The following VEGFA variants were observed in gnomAD, a reference collection of about 807,000 sequenced individuals.
The protein encoded by VEGFA is vascular endothelial growth factor A.
Under a neutral mutation model 49.7 loss-of-function variants are expected in VEGFA, and 20 were observed. That is an observed-to-expected ratio of 0.40 (90% CI 0.28 to 0.58). VEGFA has a LOEUF of 0.58. Ranked by LOEUF, VEGFA falls within the 20% of genes least tolerant of loss-of-function variation. VEGFA has a pLI of 0.40. For missense variants in VEGFA, 505 were observed against 553.5 expected, an observed-to-expected ratio of 0.91 and a Z score of 0.88; for synonymous variants, 219 against 223.4, an observed-to-expected ratio of 0.98 and a Z score of 0.18.
chr6:43,780,973 C>T lies in VEGFA; in HGVS notation c.1034+170C>T, dbSNP rs115252951. 2.1e-4 allele frequency: 318 copies of T among 1,533,466 alleles called. No homozygotes were observed. In the African/African-American group the frequency reaches 2.7e-3, roughly 13 times the overall value. The allele number at this position is 1,533,466 out of a possible 1,614,324, so 95.0% of individuals were successfully genotyped here. A position where few individuals can be genotyped will look rare whatever the true frequency, so the allele number is the denominator to read the frequency against. On this transcript the variant is annotated intron_variant, in intron 6 of 7. Transcript: ENST00000672860. ...CTCTCACTCCACTAATTGGCACCAA[C>T]GGGTAGATTTGGTGGTGGCATTGCT...
At position 43,778,902 on chromosome 6, in the gene VEGFA, A is replaced by G. The variant is rs201365646; in HGVS notation, c.946A>G (p.Arg316Gly). The stretch of plus-strand genomic sequence containing the variant: ...TACCCATTGCAGACCAAAGAAAGAT[A>G]GAGCAAGACAAGAAAAGTAAGTGGC... The change falls in exon 5 of 8, where the codon AGA becomes GGA. Residue 316 changes from arginine (R) to glycine (G), a missense_variant. Arg to Gly is a moderately radical substitution (Grantham distance 125). This residue lies in a region of VEGFA where 165 missense variants were observed against 231.7 expected (regional missense o/e 0.71). Coordinates refer to ENST00000672860, the MANE Select transcript of VEGFA (RefSeq NM_003376.6). 5.6e-6 allele frequency: 9 copies of G among 1,614,236 alleles called. No homozygotes were observed. The East Asian group carries it at 1.8e-4, about 32-fold the overall frequency.
intron 6 of VEGFA, chr6:43,781,499 C>T (rs138809497): frequency 1.2e-4 from 35 of 291,174 alleles, no homozygotes; most frequent in African/African-American, 2.4e-4. Flanking sequence ...ACACCGCCTC[C>T]GGGCTTAGCC....
chr6:43,771,440 GT>G, intron 1 of VEGFA, 128 bp downstream of exon 1: 1 of 971,028 alleles, frequency 1.0e-6, no homozygotes, highest in South Asian at 1.9e-5. Context: ...GGCGTGCGGC[GT>G]CCCCCTCTGT....
Position 43,771,187 on chromosome 6 carries a change from C to T in VEGFA, c.481C>T (p.His161Tyr). 3.1e-6 allele frequency: 5 copies of T among 1,594,278 alleles called. No individual in the cohort carries two copies. Among genetic ancestry groups the T allele is most frequent in the Non-Finnish European group, 4.3e-6 (5 of 1,173,352 alleles). The change falls in exon 1 of 8, where the codon CAC (histidine) becomes TAC (tyrosine). Residue 161 changes from histidine to tyrosine, a missense_variant. Physicochemically the swap from His to Tyr is moderately conservative, Grantham distance 83 (BLOSUM62 2). Coordinates refer to ENST00000672860, the MANE Select transcript of VEGFA (RefSeq NM_003376.6). ...AGGCGCCGAGGAGAGCGGGCCGCCC[C>T]ACAGCCCGAGCCGGAGAGGGAGCGC...
intron 2 of VEGFA, chr6:43,776,647 T>C (rs1390490873): frequency 6.5e-6 from 1 of 152,880 alleles, no homozygotes; most frequent in East Asian, 1.9e-4. Flanking sequence ...TGGCACAGCG[T>C]GTCCGCCCAC....
intron 2 of VEGFA, chr6:43,775,628 C>T (rs1765147930): frequency 6.6e-6 from 1 of 152,274 alleles, no homozygotes; most frequent in South Asian, 2.1e-4. Context: ...GCCTGGCCCT[C>T]CTCTGTCCCA....
chr6:43,779,016 TG>T, intron 5 of VEGFA, 98 bp downstream of exon 5: 1 of 1,511,574 alleles, frequency 6.6e-7, no homozygotes, highest in Non-Finnish European at 9.2e-7. Context: ...ATAGCCTCCC[TG>T]GGTCAGGGAC....
Position 43,770,743 on chromosome 6 carries a change from A to T in VEGFA, c.37A>T (p.Ser13Cys). 1.3e-6 allele frequency: 2 copies of T among 1,523,402 alleles called. No homozygotes were observed. The highest frequency in any genetic ancestry group is 1.7e-6 in the Non-Finnish European group (2 of 1,145,524). The allele number at this position is 1,523,402 out of a possible 1,614,324, so 94.4% of individuals were successfully genotyped here. A position where few individuals can be genotyped will look rare whatever the true frequency, so the allele number is the denominator to read the frequency against. Residue 13 changes from serine (S) to cysteine (C), a missense_variant, in exon 1 of 8, where the codon AGC (serine) becomes TGC (cysteine). By Grantham distance (112) the Ser-to-Cys change is moderately radical. Transcript: ENST00000672860. ...ACAGACAGACACCGCCCCCAGCCCCAGCTACCACCTCCTCCCCGGCCGGCG... is the reference window on the plus strand; with the variant it reads ...ACAGACAGACACCGCCCCCAGCCCCTGCTACCACCTCCTCCCCGGCCGGCG...
chr6:43,783,813 A>T, intron 7 of VEGFA: 1 of 152,742 alleles, frequency 6.5e-6, no homozygotes, highest in Non-Finnish European at 1.5e-5. Context: ...TGGAGTAGTG[A>T]AGCCGCCGAA....
chr6:43,772,011 C>G, intron 1 of VEGFA: 15 of 985,336 alleles, frequency 1.5e-5, no homozygotes, highest in Non-Finnish European at 1.8e-5. Context: ...GCCGCGTGTT[C>G]CCGGAGCCTC....
Position 43,774,343 on chromosome 6 carries a change from G to T in VEGFA, c.609G>T (p.Trp203Cys), listed in dbSNP as rs2128010327. 1 of 1,614,148 alleles carries T rather than the reference G, an allele frequency of 6.2e-7. No individual in the cohort carries two copies. The highest frequency in any genetic ancestry group is 2.2e-5 in the East Asian group (1 of 44,892). Residue 203 changes from tryptophan (W) to cysteine (C), a missense_variant and splice_region_variant, in exon 2 of 8, where the codon TGG becomes TGT. By Grantham distance (215) the Trp-to-Cys change is radical (BLOSUM62 -2). Coordinates refer to ENST00000672860, the MANE Select transcript of VEGFA (RefSeq NM_003376.6). The stretch of plus-strand genomic sequence containing the variant: ...CCTTGCTCTCTTTCTGTCCTCAGTG[G>T]TCCCAGGCTGCACCCATGGCAGAAG...
At chr6:43,780,897 C>T (rs775162194) in intron 6 of VEGFA, 94 bp downstream of exon 6, 2 of 1,610,416 alleles carry the variant, frequency 1.2e-6, no homozygotes, top group African/African-American at 2.7e-5. Flanking sequence ...TGCCTCCCTC[C>T]CCTGGTCCTT....
Position 43,773,594 on chromosome 6 carries a change from C to T in VEGFA, c.607-747C>T, listed in dbSNP as rs1195386055. On this transcript the variant is annotated intron_variant, in intron 1 of 7. Transcript: ENST00000672860. This position sits in a 1 kb window ranked among gnomAD's most constrained non-coding sequence, Gnocchi z 5.6. ...TTTGAAGGTGCCCAGGTGAGAGGGGCTTGGCACCTCCTCACCCTGGGAGGG... is the reference window on the plus strand; with the variant it reads ...TTTGAAGGTGCCCAGGTGAGAGGGGTTTGGCACCTCCTCACCCTGGGAGGG... 6.6e-6 allele frequency: 1 copy of T among 152,558 alleles called. No homozygotes were observed. Among genetic ancestry groups the T allele is most frequent in the Non-Finnish European group, 1.5e-5 (1 of 68,354 alleles). 9.5% of individuals were successfully genotyped at this position (152,558 alleles called of 1,614,324 possible). A position where few individuals can be genotyped will look rare whatever the true frequency, so the allele number is the denominator to read the frequency against.
At position 43,781,787 on chromosome 6, in the gene VEGFA, C is replaced by T. The variant is rs185700520; in HGVS notation, c.1035-169C>T. 1.6e-3 allele frequency: 1,347 copies of T among 850,446 alleles called. 9 individuals are homozygous for T. Among genetic ancestry groups the T allele is most frequent in the Non-Finnish European group, 1.1e-3 (619 of 541,466 alleles). The allele number at this position is 850,446 out of a possible 1,614,324, so 52.7% of individuals were successfully genotyped here. ...CCTAGCCAGTGCTGCCTCTTTCCGCCGCTCTCTCTGTCTTTTGCTGTAGCG... is the reference window on the plus strand; with the variant it reads ...CCTAGCCAGTGCTGCCTCTTTCCGCTGCTCTCTCTGTCTTTTGCTGTAGCG... On this transcript the variant is annotated intron_variant, in intron 6 of 7. Transcript: ENST00000672860.
chr6:43,780,685 C>T, intron 5 of VEGFA, 47 bp from the exon 6 acceptor site: 4 of 1,595,880 alleles, frequency 2.5e-6, no homozygotes, highest in Non-Finnish European at 3.4e-6. Context: ...CTTTTACTCC[C>T]CCCACCGCCC....
At chr6:43,774,067 T>C in intron 1 of VEGFA, 1 of 553,388 alleles carries the variant, frequency 1.8e-6, no homozygotes. Context: ...CAGTGAAGCA[T>C]TCTGGGGTTT....
intron 7 of VEGFA, 154 bp downstream of exon 7, chr6:43,782,241 G>A (rs1356903515): frequency 2.6e-6 from 3 of 1,164,748 alleles, no homozygotes; most frequent in Admixed American, 4.1e-5. Context: ...GGTGACTGCT[G>A]CCTTCTCTGC....
chr6:43,782,186 G>T (rs1203307603), intron 7 of VEGFA, 99 bp downstream of exon 7: 1 of 1,529,590 alleles, frequency 6.5e-7, no homozygotes. Flanking sequence ...GCGGGAGAGC[G>T]CCTGAGAGGG....
chr6:43,774,257 G>A lies in VEGFA; in HGVS notation c.607-84G>A. On this transcript the variant is annotated intron_variant, in intron 1 of 7. Transcript: ENST00000672860. ...CAGAGGCTGTTGGTGGGAGGGAAGTGAGGAGGGAGGAGGGGCTGGGTGGCT... is the reference window on the plus strand; with the variant it reads ...CAGAGGCTGTTGGTGGGAGGGAAGTAAGGAGGGAGGAGGGGCTGGGTGGCT... The A allele has an allele frequency of 6.3e-6, 9 of 1,423,248 alleles. No homozygotes were observed. In the South Asian group the frequency reaches 9.3e-5, roughly 15 times the overall value. The allele number at this position is 1,423,248 out of a possible 1,614,324, so 88.2% of individuals were successfully genotyped here. A position where few individuals can be genotyped will look rare whatever the true frequency, so the allele number is the denominator to read the frequency against.
Sources: allele counts gnomAD v4.1 joint callset, GRCh38; gene constraint gnomAD v4.1.1; regional missense constraint gnomAD v4.1.1; non-coding constraint Gnocchi (gnomAD v3.1); transcripts MANE v1.5; gene names NCBI Gene and HGNC (gene_info 2026-07-23, HGNC 2026-07-21).